VPS13A: variants seen among roughly 807,000 people sequenced by gnomAD.
VPS13A encodes vacuolar protein sorting 13 homolog A.
In VPS13A, 264 loss-of-function variants were observed where a neutral mutation model predicts 390.9. The ratio of observed to expected loss-of-function variants is 0.68; its 90% CI spans 0.61 to 0.75. The LOEUF (loss-of-function observed/expected upper bound fraction) is 0.75. Ranked by LOEUF, VPS13A falls within the 30% of genes least tolerant of loss-of-function variation. The pLI is 0.00. For missense variants in VPS13A, 3,409 were observed against 3,733.9 expected (o/e 0.91, Z 2.27); for synonymous variants, 1,231 against 1,227.1 (o/e 1.00, Z -0.07).
intron 1 of VPS13A, among the ~76,000 whole-genome samples, chr9:77,192,696 G>C (rs1367547608): frequency 6.6e-6 from 1 of 152,162 alleles, no homozygotes; most frequent in Non-Finnish European, 1.5e-5. Flanking sequence ...TAGGATTTCT[G>C]CTGAAAGGTC....
At chr9:77,415,607 C>T (rs1835140678) in intron 71 of VPS13A, among the ~76,000 whole-genome samples, 1 of 152,116 alleles carries the variant, frequency 6.6e-6, no homozygotes, top group African/African-American at 2.4e-5. Context: ...ATTTCTACTC[C>T]ATTAGTAGAA....
intron 1 of VPS13A, among the ~76,000 whole-genome samples, chr9:77,180,109 C>A (rs1188867696): frequency 6.6e-6 from 1 of 152,088 alleles, no homozygotes; most frequent in African/African-American, 2.4e-5. Context: ...CTATACTCAC[C>A]AGTTGCTGGA....
chr9:77,364,799 T>C (rs983164233), intron 59 of VPS13A, among the ~76,000 whole-genome samples: 74 of 152,230 alleles, frequency 4.9e-4, no homozygotes, highest in Non-Finnish European at 6.9e-4. Context: ...GTTGTTGTTG[T>C]TTAAATTTTA....
chr9:77,182,605 A>G (rs1824088975), intron 1 of VPS13A, among the ~76,000 whole-genome samples: 1 of 152,198 alleles, frequency 6.6e-6, no homozygotes. Context: ...TTTTAAATAG[A>G]CAAAAGCAGT....
intron 19 of VPS13A, among the ~76,000 whole-genome samples, chr9:77,242,040 A>T (rs1267742763): frequency 6.6e-6 from 1 of 152,106 alleles, no homozygotes; most frequent in African/African-American, 2.4e-5. Flanking sequence ...AGAGGCTGAA[A>T]TTATCTTTGG....
At chr9:77,330,900 G>T (rs899336256) in intron 45 of VPS13A, among the ~76,000 whole-genome samples, 2 of 151,670 alleles carry the variant, frequency 1.3e-5, no homozygotes, top group Non-Finnish European at 2.9e-5. Flanking sequence ...TATATTTCCA[G>T]TACCATATTT....
At chr9:77,293,180 A>G (rs1207843728) in intron 31 of VPS13A, among the ~76,000 whole-genome samples, 161 bp from the exon 32 acceptor site, 2 of 152,182 alleles carry the variant, frequency 1.3e-5, no homozygotes, top group East Asian at 1.9e-4. Context: ...GTAGGTTCCA[A>G]TAAACCAGTT....
intron 23 of VPS13A, among the ~76,000 whole-genome samples, chr9:77,264,710 G>A (rs527901059): frequency 6.6e-6 from 1 of 152,216 alleles, no homozygotes; most frequent in Non-Finnish European, 1.5e-5. Context: ...AGGCATTGGG[G>A]TTTTCTAAAT....
intron 35 of VPS13A, among the ~76,000 whole-genome samples, chr9:77,308,763 T>C (rs1215173818): frequency 6.6e-6 from 1 of 152,184 alleles, no homozygotes; most frequent in African/African-American, 2.4e-5. Context: ...TCTGGCATTA[T>C]AGGGGATCCT....
In VPS13A at chr9:77,214,865, A is replaced by T. The variant is rs1822765611; in HGVS notation, c.754+479A>T. 2.6e-5 allele frequency among the ~76,000 whole-genome samples: 4 copies of T among 152,312 alleles called. No individual in the cohort carries two copies. The South Asian group carries it at 6.2e-4, about 24-fold the overall frequency. On this transcript the variant is annotated intron_variant, in intron 10 of 71. Coordinates refer to ENST00000360280, the MANE Select transcript of VPS13A (RefSeq NM_033305.3). ...GAATTACTAAAACAGAAAGAAAAAA[A>T]TCAGTGCTGTTTCTCAGTTTCCCAA...
At chr9:77,365,743 C>T (rs1315910473) in intron 60 of VPS13A, among the ~76,000 whole-genome samples, 170 bp downstream of exon 60, 1 of 151,964 alleles carries the variant, frequency 6.6e-6, no homozygotes, top group Non-Finnish European at 1.5e-5. Flanking sequence ...AACTTTTTAT[C>T]ATGTGGAGCC....
rs371543798 is a variant in VPS13A at position 77,368,616 on chromosome 9, C to T, written c.8553+480C>T. On this transcript the variant is annotated intron_variant, in intron 62 of 71. Coordinates refer to ENST00000360280, the MANE Select transcript of VPS13A (RefSeq NM_033305.3). ...GTATGACAGATCACTGAGCATGACTCAGGAGATTTGGATTTCTCCCACTTT... is the reference window on the plus strand; with the variant it reads ...GTATGACAGATCACTGAGCATGACTTAGGAGATTTGGATTTCTCCCACTTT... Among the ~76,000 whole-genome samples the T allele has an allele frequency of 9.2e-5, 14 of 152,224 alleles. No individual in the cohort carries two copies. In the East Asian group the frequency reaches 2.7e-3, roughly 29 times the overall value.
intron 17 of VPS13A, among the ~76,000 whole-genome samples, chr9:77,229,690 G>T (rs1823715732): frequency 2.0e-5 from 3 of 152,136 alleles, no homozygotes; most frequent in Non-Finnish European, 4.4e-5. Context: ...TATTTAGGTT[G>T]TTCCTTCTTT....
In VPS13A at chr9:77,325,804, A is replaced by G. The variant is rs570346558; in HGVS notation, c.5991+2577A>G. Among the ~76,000 whole-genome samples, 11 of 152,270 alleles carry G rather than the reference A, an allele frequency of 7.2e-5. No individual in the cohort carries two copies. The South Asian group carries it at 2.3e-3, about 32-fold the overall frequency. On this transcript the variant is annotated intron_variant, in intron 45 of 71. Transcript: ENST00000360280. ...TCTCATCTCCCACATTCGTATAATT[A>G]TGTTCATACATTTTTGTGTCTATGT...
intron 67 of VPS13A, among the ~76,000 whole-genome samples, chr9:77,380,501 A>C (rs1240667632): frequency 1.3e-5 from 2 of 151,906 alleles, no homozygotes; most frequent in Admixed American, 6.6e-5. Flanking sequence ...TAGTAGAGAC[A>C]GGGTTTCACC....
At chr9:77,229,400 A>G (rs901759301) in intron 17 of VPS13A, among the ~76,000 whole-genome samples, 1 of 152,116 alleles carries the variant, frequency 6.6e-6, no homozygotes, top group South Asian at 2.1e-4. Flanking sequence ...ACAACTCCCA[A>G]AGAAACCCTG....
intron 52 of VPS13A, among the ~76,000 whole-genome samples, chr9:77,350,229 A>C (rs967698950): frequency 1.3e-5 from 2 of 152,156 alleles, no homozygotes; most frequent in African/African-American, 4.8e-5. Flanking sequence ...TCTTGTGAAT[A>C]TAATTTGGTA....
Position 77,273,325 on chromosome 9 carries a change from A to C in VPS13A, c.2473A>C (p.Ile825Leu), listed in dbSNP as rs1826457444. ...GGGAACATCACAGATTTCACAGAAA[A>C]TAATTCCTCTCTTGGAACTTCCATC... is the stretch of plus-strand genomic sequence containing the variant. The part of the protein sequence containing the change: ...SLGTSQISQK[I>L]IPLLELPSVS... Residue 825 changes from isoleucine to leucine, a missense_variant, in exon 24 of 72, where the codon ATA becomes CTA. Ile to Leu is a conservative substitution (Grantham distance 5). Transcript: ENST00000360280. The C allele has an allele frequency of 6.2e-7, 1 of 1,612,044 alleles. No homozygotes were observed. Among genetic ancestry groups the C allele is most frequent in the Non-Finnish European group, 8.5e-7 (1 of 1,179,132 alleles).
chr9:77,203,542 C>A (rs915527588), intron 3 of VPS13A, among the ~76,000 whole-genome samples: 3 of 152,162 alleles, frequency 2.0e-5, no homozygotes, highest in Non-Finnish European at 2.9e-5. Context: ...CCTACCACAG[C>A]CACCCAAAAT....
Sources: gnomAD v4.1 joint callset for allele counts (sites outside exome capture counted in the v4.1 genomes callset) on GRCh38, gnomAD v4.1.1 for gene constraint, MANE v1.5 for transcripts, NCBI Gene and HGNC (gene_info 2026-07-23, HGNC 2026-07-21) for gene names.